SHANK2: variants seen among roughly 807,000 people sequenced by gnomAD.
The protein encoded by SHANK2 is SH3 and multiple ankyrin repeat domains protein 2.
SHANK2 carries 43 observed loss-of-function variants against 133.7 expected under a neutral mutation model. That is an observed-to-expected ratio of 0.32 (90% CI 0.25 to 0.41). The LOEUF (loss-of-function observed/expected upper bound fraction) is 0.41. SHANK2 is among the 10% of genes least tolerant of loss of function. SHANK2 has a pLI of 1.00. For missense variants in SHANK2, 1,994 were observed against 2,235.8 expected, an observed-to-expected ratio of 0.89 and a Z score of 2.18; for synonymous variants, 1,017 against 952.8, an observed-to-expected ratio of 1.07 and a Z score of -1.24.
At chr11:71,110,099 A>G (rs1951870188) in intron 5 of SHANK2, 50 bp from the exon 6 acceptor site, 1 of 1,350,864 alleles carries the variant, frequency 7.4e-7, no homozygotes, top group Admixed American at 2.0e-5. Context: ...AAATGTCCCA[A>G]CCTGAGCAAC....
intron 3 of SHANK2, among the ~76,000 whole-genome samples, chr11:71,138,344 T>G (rs1228009154): frequency 6.6e-6 from 1 of 151,718 alleles, no homozygotes; most frequent in Non-Finnish European, 1.5e-5. Context: ...ACAGGTAGAG[T>G]CCTCCCAATA....
intron 7 of SHANK2, 81 bp downstream of exon 7, chr11:71,094,456 G>C: frequency 7.3e-7 from 1 of 1,370,772 alleles, no homozygotes; most frequent in Non-Finnish European, 1.0e-6. Flanking sequence ...CCCCTAGGAT[G>C]GGCACTGCGG....
At chr11:70,753,173 T>TAAA (rs201365664) in intron 14 of SHANK2, among the ~76,000 whole-genome samples, 2 of 121,630 alleles carry the variant, frequency 1.6e-5, no homozygotes, top group Non-Finnish European at 3.6e-5. Flanking sequence ...ACAGAACTGT[T>TAAA]AAAAAAAAAA....
chr11:70,564,344 C>T (rs929343903), intron 17 of SHANK2, among the ~76,000 whole-genome samples: 16 of 151,828 alleles, frequency 1.1e-4, no homozygotes, highest in African/African-American at 3.4e-4. Context: ...TTGCAACCTC[C>T]GCCTCCTGGG....
At chr11:70,856,618 C>T (rs1048863344) in intron 11 of SHANK2, among the ~76,000 whole-genome samples, 1 of 152,130 alleles carries the variant, frequency 6.6e-6, no homozygotes, top group South Asian at 2.1e-4. Context: ...CAACCTTCCC[C>T]TCTTGGACTG....
chr11:71,109,903 C>G (rs781616928), intron 6 of SHANK2, 38 bp downstream of exon 6: 2 of 1,323,574 alleles, frequency 1.5e-6, no homozygotes, highest in Non-Finnish European at 2.1e-6. Context: ...TCTACGCTTC[C>G]GTAAAGCCTG....
chr11:71,155,317 G>A (rs1270976419), intron 2 of SHANK2, among the ~76,000 whole-genome samples: 7 of 127,040 alleles, frequency 5.5e-5, no homozygotes, highest in African/African-American at 1.5e-4. Flanking sequence ...GCTCCCAGAG[G>A]GGTGGACCTA....
At chr11:71,139,474 C>A (rs781995093) in intron 3 of SHANK2, among the ~76,000 whole-genome samples, 2 of 151,880 alleles carry the variant, frequency 1.3e-5, no homozygotes. Context: ...GCACATTGTG[C>A]ACATGGACCC....
chr11:70,489,598 C>G (rs1221234471), intron 23 of SHANK2: 1 of 553,466 alleles, frequency 1.8e-6, no homozygotes, highest in Admixed American at 3.2e-5. Context: ...AGACCAGAGT[C>G]CCAGGGTTGC....
At chr11:70,533,409 C>T (rs782001950) in intron 17 of SHANK2, among the ~76,000 whole-genome samples, 10 of 152,020 alleles carry the variant, frequency 6.6e-5, no homozygotes, top group Admixed American at 3.3e-4. Flanking sequence ...AAAAGACAAT[C>T]GATTCAAGGT....
At chr11:70,908,217 T>C in intron 10 of SHANK2, 1 of 183,756 alleles carries the variant, frequency 5.4e-6, no homozygotes, top group Non-Finnish European at 1.2e-5. Flanking sequence ...TGCATGGGTC[T>C]GAGGACTGCC....
intron 19 of SHANK2, 95 bp from the exon 20 acceptor site, chr11:70,502,026 G>T: frequency 7.0e-7 from 1 of 1,423,082 alleles, no homozygotes; most frequent in Non-Finnish European, 9.7e-7. Context: ...GAGGCTCCGA[G>T]GGAGGTGCAC....
intron 17 of SHANK2, among the ~76,000 whole-genome samples, chr11:70,599,600 C>T (rs1463071313): frequency 3.9e-5 from 1 of 25,894 alleles, no homozygotes; most frequent in Non-Finnish European, 6.3e-5. Context: ...AGCGAGACTC[C>T]GTCTCAAAAA....
intron 12 of SHANK2, among the ~76,000 whole-genome samples, chr11:70,809,647 G>A (rs1387721231): frequency 6.6e-6 from 1 of 152,242 alleles, no homozygotes; most frequent in African/African-American, 2.4e-5. Context: ...AGGGCTCCAT[G>A]TACTCCGATT....
chr11:71,127,210 T>C (rs1952208807), intron 3 of SHANK2, among the ~76,000 whole-genome samples: 1 of 152,194 alleles, frequency 6.6e-6, no homozygotes, highest in East Asian at 1.9e-4. Context: ...AAAACTTGAA[T>C]GGATGAGGAG....
chr11:70,925,907 C>T (rs1399410363), intron 10 of SHANK2, among the ~76,000 whole-genome samples: 1 of 152,168 alleles, frequency 6.6e-6, no homozygotes, highest in Non-Finnish European at 1.5e-5. Context: ...CTTCATCAAC[C>T]CATCAATACA....
intron 10 of SHANK2, among the ~76,000 whole-genome samples, chr11:70,920,601 TAGAG>T (rs1950336416): frequency 6.6e-6 from 1 of 152,168 alleles, no homozygotes; most frequent in African/African-American, 2.4e-5. Flanking sequence ...CAAAAACAAA[TAGAG>T]AGAAATTATT....
intron 17 of SHANK2, among the ~76,000 whole-genome samples, chr11:70,636,402 C>T (rs1433218333): frequency 1.3e-5 from 2 of 150,828 alleles, no homozygotes; most frequent in South Asian, 2.1e-4. Flanking sequence ...AGTGTGTATG[C>T]GAGCATGTGT....
At chr11:70,819,589 G>A (rs560833554) in intron 12 of SHANK2, among the ~76,000 whole-genome samples, 11 of 152,314 alleles carry the variant, frequency 7.2e-5, no homozygotes, top group East Asian at 5.8e-4. Context: ...GGTGGGGAGA[G>A]ACCCAGACCT....
Sources: gnomAD v4.1 joint callset for allele counts (sites outside exome capture counted in the v4.1 genomes callset) on GRCh38, gnomAD v4.1.1 for gene constraint, MANE v1.5 for transcripts, NCBI Gene and HGNC (gene_info 2026-07-23, HGNC 2026-07-21) for gene names.